The following ITGA10 variants were observed in gnomAD, a reference collection of about 807,000 sequenced individuals.
The protein encoded by ITGA10 is integrin subunit alpha 10.
A neutral mutation model predicts 145.2 loss-of-function variants in ITGA10; 105 were observed. That is an observed-to-expected ratio of 0.72 (90% CI 0.62 to 0.85). The LOEUF (loss-of-function observed/expected upper bound fraction) is 0.85, where lower values mean the gene tolerates loss of function less well. Among genes scored for constraint, ITGA10 ranks in the 40% least tolerant of loss-of-function variants. The pLI is 0.00. For synonymous variants in ITGA10, 506 were observed against 557.8 expected, an observed-to-expected ratio of 0.91 and a Z score of 1.31; for missense variants, 1,317 against 1,444.5, an observed-to-expected ratio of 0.91 and a Z score of 1.43.
chr1:145,901,994 C>A lies in ITGA10; in HGVS notation c.1177G>T (p.Ala393Ser). Residue 393 changes from alanine to serine, a missense_variant, in exon 11 of 30, where the codon GCC becomes TCC. Ala to Ser is a moderately conservative substitution (Grantham distance 99). Transcript: ENST00000369304. The surrounding 1 kb of genome is among the most constrained non-coding windows in gnomAD (Gnocchi z 4.3). ...KDGILFGMVG[A>S]YDWGGSVLWL... ...AGCACAGAGCCTCCCCAGTCATAGG[C>A]CCCCACCATCCCAAAAAGAATCCCA... 2 of 1,614,080 alleles carry A rather than the reference C, an allele frequency of 1.2e-6. No individual in the cohort carries two copies. The highest frequency in any genetic ancestry group is 3.3e-5 in the Admixed American group (2 of 60,014).
At position 145,901,587 on chromosome 1, in the gene ITGA10, C is replaced by T. The variant is rs1553748539; in HGVS notation, c.1372G>A (p.Gly458Arg). ...LSGAPRFRHR[G>R]KVIAFQLKKD... The stretch of plus-strand genomic sequence containing the variant: ...TTAAGCTGGAAGGCGATGACTTTTC[C>T]TCGATGTCTAAATCGAGGAGCCCCA... Residue 458 changes from glycine to arginine, a missense_variant, in exon 12 of 30, where the codon GGA becomes AGA. Transcript: ENST00000369304. The surrounding 1 kb of genome is among the most constrained non-coding windows in gnomAD (Gnocchi z 4.3). 2 of 1,607,800 alleles carry T rather than the reference C, an allele frequency of 1.2e-6. No homozygotes were observed. Among genetic ancestry groups the T allele is most frequent in the East Asian group, 4.5e-5 (2 of 44,804 alleles).
intron 17 of ITGA10, among the ~76,000 whole-genome samples, chr1:145,898,472 C>A (rs1327779681): frequency 6.6e-6 from 1 of 151,926 alleles, no homozygotes; most frequent in Non-Finnish European, 1.5e-5. Context: ...GGGTTCAGGC[C>A]ATTCTCCTGC....
Position 145,904,071 on chromosome 1 carries a change from G to C in ITGA10, c.739C>G (p.Gln247Glu). 2 of 1,613,972 alleles carry C rather than the reference G, an allele frequency of 1.2e-6. No homozygotes were observed. The highest frequency in any genetic ancestry group is 2.2e-5 in the South Asian group (2 of 91,066). Residue 247 changes from glutamine to glutamate, a missense_variant, in exon 7 of 30, where the codon CAA becomes GAA. Transcript: ENST00000369304. Reference protein sequence around the residue: ...RREGRETKTAQAIMVACTEGF... With the variant: ...RREGRETKTAEAIMVACTEGF... ...CCTCACCAGGCCACCATTATTGCTT[G>C]GGCAGTCTTTGTTTCTCGTCCCTCC...
chr1:145,900,031 C>T (rs1553747368), intron 15 of ITGA10, 26 bp downstream of exon 15: 10 of 1,605,462 alleles, frequency 6.2e-6, no homozygotes, highest in Non-Finnish European at 8.5e-6. Context: ...ATGCTGTCCA[C>T]CACCACCTGA....
In ITGA10 at chr1:145,903,941, G is replaced by C. The variant is rs1208339493; in HGVS notation, c.758+111C>G. ...TGACCTCAGGTGATCCGCCTGCCTT[G>C]CCTCCCAAAGTGCTGGGATTACAGG... On this transcript the variant is annotated intron_variant, in intron 7 of 29. Transcript: ENST00000369304. 4 of 1,227,412 alleles carry C rather than the reference G, an allele frequency of 3.3e-6. No homozygotes were observed. In the East Asian group the frequency reaches 9.6e-5, roughly 29 times the overall value. The allele number at this position is 1,227,412 out of a possible 1,614,324, so 76.0% of individuals were successfully genotyped here. A position where few individuals can be genotyped will look rare whatever the true frequency, so the allele number is the denominator to read the frequency against.
intron 15 of ITGA10, 133 bp from the exon 16 acceptor site, chr1:145,899,474 C>A: frequency 2.1e-6 from 2 of 951,196 alleles, no homozygotes; most frequent in Non-Finnish European, 3.2e-6. Flanking sequence ...TCCCCCGAAC[C>A]CTCTGACAGA....
rs782297278 is a variant in ITGA10 at position 145,892,794 on chromosome 1, A to G, written c.*4T>C. The G allele has an allele frequency of 4.4e-6, 7 of 1,608,872 alleles. No individual in the cohort carries two copies. In the Admixed American group the frequency reaches 1.2e-4, roughly 27 times the overall value. ...GGAGGACTTTCTAGACCCTTATTCT[A>G]CATTCATTGCTCCAACTTCTCTTCT... On this transcript the variant is annotated 3_prime_UTR_variant, in exon 30 of 30. Transcript: ENST00000369304.
chr1:145,902,057 C>G, intron 10 of ITGA10, 36 bp from the exon 11 acceptor site: 1 of 1,605,984 alleles, frequency 6.2e-7, no homozygotes, highest in South Asian at 1.1e-5. Flanking sequence ...ACTGAGAAGA[C>G]AGTGGGGAAT....
chr1:145,891,356 TG>T lies in ITGA10; in HGVS notation c.*1441del, dbSNP rs1654739343. 1 of 152,756 alleles carries T rather than the reference TG, an allele frequency of 6.5e-6. No homozygotes were observed. Among genetic ancestry groups the T allele is most frequent in the East Asian group, 1.9e-4 (1 of 5,190 alleles). The allele number at this position is 152,756 out of a possible 1,614,324, so 9.5% of individuals were successfully genotyped here. ...CTGTGGTCAGGCCTCAGGAACAGCC[TG>T]GGAGGACAGGTTCTGTGACTGCTAG... On this transcript the variant is annotated 3_prime_UTR_variant, in exon 30 of 30. Transcript: ENST00000369304.
chr1:145,895,592 C>CT (rs1553744627), intron 26 of ITGA10, 39 bp downstream of exon 26: 1 of 1,597,958 alleles, frequency 6.3e-7, no homozygotes, highest in Admixed American at 1.7e-5. Context: ...CCCAACTCCA[C>CT]TTGCATTCCC....
In ITGA10 at chr1:145,901,094, C is replaced by A. The variant is rs202224881; in HGVS notation, c.1587+41G>T. On this transcript the variant is annotated intron_variant, in intron 13 of 29. Coordinates refer to ENST00000369304, the MANE Select transcript of ITGA10 (RefSeq NM_003637.5). This position sits in a 1 kb window ranked among gnomAD's most constrained non-coding sequence, Gnocchi z 4.3. ...TTCCCTCCTTTCCTCCCTCCACCCC[C>A]ACAATGCAAGTCCAGGGCAGGGGGT... is the stretch of plus-strand genomic sequence containing the variant. The A allele has an allele frequency of 1.6e-5, 26 of 1,613,334 alleles. No homozygotes were observed. The highest frequency in any genetic ancestry group is 2.5e-6 in the Non-Finnish European group (3 of 1,179,560).
Position 145,902,538 on chromosome 1 carries a change from C to T in ITGA10, c.991G>A (p.Glu331Lys), listed in dbSNP as rs1353452309. The change falls in exon 9 of 30, where the codon GAG (glutamate) becomes AAG (lysine). Residue 331 changes from glutamate to lysine, a missense_variant. Coordinates refer to ENST00000369304, the MANE Select transcript of ITGA10 (RefSeq NM_003637.5). Reference protein sequence around the residue: ...EIRTIASDPDERFFFNVTDEA... With the variant: ...EIRTIASDPDKRFFFNVTDEA... ...TCTGTGACATTGAAGAAGAATCGCT[C>T]ATCTGGATCACTGGCAATAGTTCTA... The T allele has an allele frequency of 2.5e-6, 4 of 1,613,862 alleles. No homozygotes were observed. In the South Asian group the frequency reaches 3.3e-5, roughly 13 times the overall value.
At position 145,898,494 on chromosome 1, in the gene ITGA10, G is replaced by A. The variant is rs187608056; in HGVS notation, c.2233-271C>T. 3.2e-3 allele frequency among the ~76,000 whole-genome samples: 480 copies of A among 151,810 alleles called. 2 individuals carry two copies. The highest frequency in any genetic ancestry group is 0.01 in the African/African-American group (427 of 41,398). On this transcript the variant is annotated intron_variant, in intron 17 of 29. Coordinates refer to ENST00000369304, the MANE Select transcript of ITGA10 (RefSeq NM_003637.5). ...GGCCATTCTCCTGCCTCAGCCTCCC[G>A]AGTAGCTGGGACTACAGGCACCTGC...
chr1:145,901,756 G>A lies in ITGA10; in HGVS notation c.1295-92C>T. The A allele has an allele frequency of 6.5e-7, 1 of 1,540,168 alleles. No individual in the cohort carries two copies. The stretch of plus-strand genomic sequence containing the variant: ...AAAGGCATAGCAGGAGGTCCCAAGG[G>A]AAGTAACCAGAGGTCAGTGAGAAAC... On this transcript the variant is annotated intron_variant, in intron 11 of 29. Coordinates refer to ENST00000369304, the MANE Select transcript of ITGA10 (RefSeq NM_003637.5). This position sits in a 1 kb window ranked among gnomAD's most constrained non-coding sequence, Gnocchi z 4.3.
chr1:145,902,672 G>A (rs1553749408), intron 8 of ITGA10, 53 bp from the exon 9 acceptor site: 22 of 1,548,124 alleles, frequency 1.4e-5, no homozygotes, highest in Non-Finnish European at 1.9e-5. Context: ...ACAGAACACA[G>A]CCAACTAACA....
Position 145,895,316 on chromosome 1 carries a change from T to C in ITGA10, c.3192A>G (p.Gly1064=), listed in dbSNP as rs1553744501. The C allele has an allele frequency of 1.2e-6, 2 of 1,614,018 alleles. No homozygotes were observed. Among genetic ancestry groups the C allele is most frequent in the East Asian group, 2.2e-5 (1 of 44,870 alleles). Residue 1064 remains glycine (G), a synonymous_variant, in exon 27 of 30, where the codon GGA becomes GGG. Transcript: ENST00000369304. ...ATTCATTGTGAACCAGCCTCAATAG[T>C]CCAACAGAGACCTCAGTCCCCTTTG... is the stretch of plus-strand genomic sequence containing the variant. The part of the protein sequence containing the change: ...QLAKGTEVSV[G]LLRLVHNEFF...
rs139943420 is a variant in ITGA10, at chr1:145,901,913, A to T, written c.1258T>A (p.Phe420Ile). Residue 420 changes from phenylalanine to isoleucine, a missense_variant, in exon 11 of 30, where the codon TTC becomes ATC. Phe to Ile is a conservative substitution (Grantham distance 21). Transcript: ENST00000369304. This position sits in a 1 kb window ranked among gnomAD's most constrained non-coding sequence, Gnocchi z 4.3. Reference sequence around the variant, plus strand: ...GCATGGTTCTGCAATGCAGGGGGGAACTCGTCTTCCAGTGCCATTCGTGGG... The same window carrying T: ...GCATGGTTCTGCAATGCAGGGGGGATCTCGTCTTCCAGTGCCATTCGTGGG... ...FPPRMALEDE[F>I]PPALQNHAAY... is the part of the protein sequence containing the mutation. 37 of 1,613,918 alleles carry T rather than the reference A, an allele frequency of 2.3e-5. No homozygotes were observed. In the South Asian group the frequency reaches 2.4e-4, roughly 11 times the overall value.
Position 145,902,949 on chromosome 1 carries a change from G to A in ITGA10, c.771C>T (p.Phe257=), listed in dbSNP as rs1656565541. ...CGGGTCGGCCCCCATGGGACTGACT[G>A]AACCCTTCTGTGCTGAGAAGAGAAA... ...QAIMVACTEG[F]SQSHGGRPEA... is the part of the protein sequence containing the mutation. Residue 257 remains phenylalanine, a synonymous_variant, in exon 8 of 30, where the codon TTC becomes TTT. Transcript: ENST00000369304. The A allele has an allele frequency of 2.5e-6, 4 of 1,604,260 alleles. No homozygotes were observed. The highest frequency in any genetic ancestry group is 3.4e-6 in the Non-Finnish European group (4 of 1,175,810).
rs782441040 is a variant in ITGA10, at chr1:145,900,798, G to A, written c.1783C>T (p.Pro595Ser). 1.9e-6 allele frequency: 3 copies of A among 1,614,134 alleles called. No individual in the cohort carries two copies. In the South Asian group the frequency reaches 3.3e-5, roughly 18 times the overall value. The change falls in exon 14 of 30, where the codon CCT (proline) becomes TCT (serine). Residue 595 changes from proline (P) to serine (S), a missense_variant. Coordinates refer to ENST00000369304, the MANE Select transcript of ITGA10 (RefSeq NM_003637.5). ...HGTQSGVRPH[P>S]AQRIAAASMP... is the part of the protein sequence containing the mutation. Reference sequence around the variant, plus strand: ...ATTTGGGTACTCCTGACCTGGGCAGGATGGGGCCTGACTCCACTCTGGGTT... The same window carrying A: ...ATTTGGGTACTCCTGACCTGGGCAGAATGGGGCCTGACTCCACTCTGGGTT...
Sources: allele counts gnomAD v4.1 joint callset (sites outside exome capture counted in the v4.1 genomes callset), GRCh38; gene constraint gnomAD v4.1.1; non-coding constraint Gnocchi (gnomAD v3.1); transcripts MANE v1.5; gene names NCBI Gene and HGNC (gene_info 2026-07-23, HGNC 2026-07-21).